The following HPSE2 variants were observed in gnomAD, a reference collection of about 807,000 sequenced individuals.
The protein encoded by HPSE2 is heparanase 2 (inactive).
HPSE2 carries 38 observed loss-of-function variants against 60.5 expected under a neutral mutation model. The observed-to-expected ratio is 0.63, with a 90% CI of 0.48 to 0.82. The LOEUF is 0.82. Ranked by LOEUF, HPSE2 falls within the 40% of genes least tolerant of loss-of-function variation. The probability of loss-of-function intolerance (pLI) is 0.00; values close to 1 mark genes in which losing one functional copy is unlikely to be tolerated. For synonymous variants in HPSE2, 295 were observed against 293.2 expected, an observed-to-expected ratio of 1.01 and a Z score of -0.06; for missense variants, 713 against 740.4, an observed-to-expected ratio of 0.96 and a Z score of 0.43.
At chr10:99,121,107 T>C (rs548809090) in intron 3 of HPSE2, among the ~76,000 whole-genome samples, 5 of 152,146 alleles carry the variant, frequency 3.3e-5, no homozygotes, top group Non-Finnish European at 7.3e-5. Context: ...CAGAATACTA[T>C]GCAGTCATAA....
chr10:99,305,795 T>G, the HPSE2 span, among the ~76,000 whole-genome samples: 1 of 151,758 alleles, frequency 6.6e-6, no homozygotes, highest in Non-Finnish European at 1.5e-5. Context: ...ATACAAAATT[T>G]CAACAGAGAA....
chr10:99,048,365 TG>T, intron 3 of HPSE2: 4 of 228,634 alleles, frequency 1.7e-5, no homozygotes, highest in South Asian at 1.1e-4. Flanking sequence ...GCTCTCAAAC[TG>T]AAAAAAAAAA....
At chr10:99,232,767 T>G (rs1174709952) in intron 1 of HPSE2, among the ~76,000 whole-genome samples, 1 of 152,218 alleles carries the variant, frequency 6.6e-6, no homozygotes, top group Non-Finnish European at 1.5e-5. Context: ...CAGATCCTGA[T>G]CTCCTAAAGG....
At chr10:98,744,666 G>A (rs556950810) in intron 3 of HPSE2, among the ~76,000 whole-genome samples, 55 of 152,212 alleles carry the variant, frequency 3.6e-4, no homozygotes, top group African/African-American at 1.3e-3. Context: ...GCTGATGTTT[G>A]AAAATGGGAA....
chr10:98,830,617 T>C (rs1486463498), intron 3 of HPSE2, among the ~76,000 whole-genome samples: 2 of 152,206 alleles, frequency 1.3e-5, no homozygotes, highest in African/African-American at 2.4e-5. Context: ...TGTGTAGACA[T>C]AAGCAAGGCT....
intron 9 of HPSE2, among the ~76,000 whole-genome samples, chr10:98,507,981 A>G (rs1236834361): frequency 2.0e-5 from 3 of 152,220 alleles, no homozygotes; most frequent in Non-Finnish European, 4.4e-5. Flanking sequence ...CAACAAAGAC[A>G]TTGCCTAGAA....
chr10:98,756,563 T>C (rs920198230), intron 3 of HPSE2, among the ~76,000 whole-genome samples: 1 of 151,950 alleles, frequency 6.6e-6, no homozygotes, highest in African/African-American at 2.4e-5. Context: ...GCACACAAAC[T>C]AGGAAACCTA....
intron 4 of HPSE2, among the ~76,000 whole-genome samples, chr10:98,734,750 A>T (rs914774149): frequency 1.2e-4 from 19 of 152,124 alleles, no homozygotes; most frequent in Middle Eastern, 3.2e-3. Context: ...AATGATATTC[A>T]TATTTCCAAG....
chr10:98,478,818 A>G (rs1025820015), intron 11 of HPSE2, among the ~76,000 whole-genome samples: 1 of 152,168 alleles, frequency 6.6e-6, no homozygotes, highest in African/African-American at 2.4e-5. Flanking sequence ...TACACACTGC[A>G]ATTTTCTAAA....
At chr10:99,032,578 T>A (rs1271653369) in intron 3 of HPSE2, among the ~76,000 whole-genome samples, 2 of 152,212 alleles carry the variant, frequency 1.3e-5, no homozygotes. Flanking sequence ...AAAATTATCT[T>A]GACACTTGTT....
chr10:98,969,598 T>A (rs1376066874), intron 3 of HPSE2, among the ~76,000 whole-genome samples: 1 of 152,182 alleles, frequency 6.6e-6, no homozygotes, highest in Non-Finnish European at 1.5e-5. Context: ...AGAAGAAACA[T>A]GATGTAGTTT....
intron 3 of HPSE2, among the ~76,000 whole-genome samples, chr10:99,044,691 C>CA (rs35009988): frequency 0.58 from 79,681 of 138,408 alleles, 22,779 homozygotes; most frequent in East Asian, 0.69. Context: ...AACAAACAAA[C>CA]AAAAAAAATA....
chr10:98,861,042 G>A (rs1952447457), intron 3 of HPSE2, among the ~76,000 whole-genome samples: 1 of 152,156 alleles, frequency 6.6e-6, no homozygotes, highest in Non-Finnish European at 1.5e-5. Flanking sequence ...GAATGCAAAG[G>A]CAGTTGGCTC....
intron 3 of HPSE2, among the ~76,000 whole-genome samples, chr10:98,781,811 T>C (rs574654304): frequency 1.3e-5 from 2 of 151,934 alleles, no homozygotes; most frequent in East Asian, 1.9e-4. Context: ...AAAATTTATA[T>C]CGTTGGATCT....
At chr10:98,916,297 G>A (rs1415443000) in intron 3 of HPSE2, among the ~76,000 whole-genome samples, 2 of 152,048 alleles carry the variant, frequency 1.3e-5, no homozygotes, top group East Asian at 3.9e-4. Flanking sequence ...ATCTGCACAG[G>A]GCATGAAATA....
Position 98,722,063 on chromosome 10 carries a change from G to A in HPSE2, c.785-235C>T, listed in dbSNP as rs568018538. Among the ~76,000 whole-genome samples the A allele has an allele frequency of 2.0e-4, 31 of 151,232 alleles. No individual in the cohort carries two copies. In the South Asian group the frequency reaches 5.1e-3, roughly 25 times the overall value. ...ACAAAAAGATAACCTAATCAACACCGGAGACCATACAGATTTTCAGGTGCT... is the reference window on the plus strand; with the variant it reads ...ACAAAAAGATAACCTAATCAACACCAGAGACCATACAGATTTTCAGGTGCT... On this transcript the variant is annotated intron_variant, in intron 4 of 11. Coordinates refer to ENST00000370552, the MANE Select transcript of HPSE2 (RefSeq NM_021828.5).
chr10:98,593,314 G>A (rs1171934188), intron 9 of HPSE2, among the ~76,000 whole-genome samples: 1 of 152,190 alleles, frequency 6.6e-6, no homozygotes, highest in Non-Finnish European at 1.5e-5. Flanking sequence ...GGTGGCTACA[G>A]TGGAAGACAT....
chr10:98,595,546 G>A (rs1484512784), intron 9 of HPSE2, among the ~76,000 whole-genome samples: 1 of 151,880 alleles, frequency 6.6e-6, no homozygotes, highest in East Asian at 1.9e-4. Context: ...TTTATATATT[G>A]GTTTTATATC....
intron 3 of HPSE2, among the ~76,000 whole-genome samples, chr10:98,749,930 C>CTATATATATATATATATATATATATATA (rs771032742): frequency 4.1e-5 from 4 of 97,006 alleles, no homozygotes; most frequent in African/African-American, 1.4e-4. Flanking sequence ...ATATTAAACA[C>CTATATATATATATATATATATATATATA]TATATATATA....
Sources: allele counts gnomAD v4.1 joint callset (sites outside exome capture counted in the v4.1 genomes callset), GRCh38; gene constraint gnomAD v4.1.1; transcripts MANE v1.5; gene names NCBI Gene and HGNC (gene_info 2026-07-23, HGNC 2026-07-21).